NCAPH: variants seen among roughly 807,000 people sequenced by gnomAD.
NCAPH encodes non-SMC condensin I complex subunit H, also known as condensin complex subunit 2.
NCAPH carries 38 observed loss-of-function variants against 85.5 expected under a neutral mutation model. That is an observed-to-expected ratio of 0.44 (90% CI 0.34 to 0.58). The LOEUF (loss-of-function observed/expected upper bound fraction) is 0.58. NCAPH is among the 20% of genes least tolerant of loss of function. NCAPH has a pLI of 0.01. For missense variants in NCAPH, 789 were observed against 916.6 expected (o/e 0.86, Z 1.80); for synonymous variants, 301 against 335.1 (o/e 0.90, Z 1.11).
chr2:96,340,367 TA>T (rs2064274636), intron 1 of NCAPH, among the ~76,000 whole-genome samples: 1 of 149,456 alleles, frequency 6.7e-6, no homozygotes, highest in Non-Finnish European at 1.5e-5. Context: ...GTAGGATGAC[TA>T]ATACTAATAA....
chr2:96,363,092 C>T (rs1040825793), intron 12 of NCAPH, among the ~76,000 whole-genome samples: 1 of 152,132 alleles, frequency 6.6e-6, no homozygotes, highest in Non-Finnish European at 1.5e-5. Flanking sequence ...CAACCACCAC[C>T]CACCCTGACA....
intron 14 of NCAPH, among the ~76,000 whole-genome samples, chr2:96,366,876 C>CA (rs928006104): frequency 0.026 from 918 of 35,706 alleles, 9 homozygotes; most frequent in African/African-American, 0.031. Context: ...GACTCCGTCT[C>CA]AAAAAAAAAA....
In NCAPH at chr2:96,375,979, A is replaced by G. The variant is rs1179368114; in HGVS notation, c.*2628A>G. 6.6e-6 allele frequency among the ~76,000 whole-genome samples: 1 copy of G among 152,206 alleles called. No homozygotes were observed. Among genetic ancestry groups the G allele is most frequent in the Admixed American group, 6.5e-5 (1 of 15,286 alleles). On this transcript the variant is annotated 3_prime_UTR_variant, in exon 18 of 18. Transcript: ENST00000240423. ...CCACCAGATATGGACTCAACCTGGG[A>G]CTTTTCAGCCTCCATAACTGTAATA...
chr2:96,351,484 TATG>T (rs1194831650), intron 6 of NCAPH, among the ~76,000 whole-genome samples: 1 of 151,972 alleles, frequency 6.6e-6, no homozygotes, highest in Non-Finnish European at 1.5e-5. Context: ...GCCTGGCTAA[TATG>T]ATGAAACCCC....
intron 1 of NCAPH, among the ~76,000 whole-genome samples, chr2:96,337,482 C>T (rs2064229064): frequency 6.6e-6 from 1 of 151,130 alleles, no homozygotes; most frequent in Non-Finnish European, 1.5e-5. Flanking sequence ...TGCAGTGGTG[C>T]AATCTCGGCC....
chr2:96,365,987 G>A lies in NCAPH; in HGVS notation c.1810G>A (p.Asp604Asn). Residue 604 changes from aspartate to asparagine, a missense_variant, in exon 14 of 18, where the codon GAC becomes AAC. Coordinates refer to ENST00000240423, the MANE Select transcript of NCAPH (RefSeq NM_015341.5). The stretch of plus-strand genomic sequence containing the variant: ...ACCTAAGACAGCACAACAGAATGGT[G>A]ACACTCCAGAAGCCCAAGGATTAGA... ...HPPKTAQQNGDTPEAQGLDIT... is the reference protein window; with the variant it reads ...HPPKTAQQNGNTPEAQGLDIT... The A allele has an allele frequency of 6.2e-7, 1 of 1,614,180 alleles. No individual in the cohort carries two copies. Among genetic ancestry groups the A allele is most frequent in the East Asian group, 2.2e-5 (1 of 44,888 alleles).
At chr2:96,367,710 C>G (rs1453198530) in intron 15 of NCAPH, among the ~76,000 whole-genome samples, 1 of 152,112 alleles carries the variant, frequency 6.6e-6, no homozygotes, top group Non-Finnish European at 1.5e-5. Flanking sequence ...AGAAGTGAAC[C>G]AAGTATACAA....
chr2:96,344,080 T>G, intron 5 of NCAPH, 25 bp from the exon 6 acceptor site: 1 of 1,599,452 alleles, frequency 6.3e-7, no homozygotes. Flanking sequence ...GCCCTTGCAG[T>G]ACGCAATTGT....
intron 12 of NCAPH, among the ~76,000 whole-genome samples, chr2:96,363,486 A>G (rs1293218160): frequency 2.0e-5 from 3 of 152,230 alleles, no homozygotes; most frequent in African/African-American, 7.2e-5. Flanking sequence ...TTACAAGCAC[A>G]TTGTGGGTTT....
At chr2:96,369,092 T>A (rs1160096233) in intron 16 of NCAPH, 29 bp downstream of exon 16, 10 of 1,549,712 alleles carry the variant, frequency 6.5e-6, no homozygotes, top group Admixed American at 3.9e-5. Flanking sequence ...GGGGGCTTTG[T>A]TGGGGCTCAC....
rs544549788 is a variant in NCAPH at position 96,348,190 on chromosome 2, CT to C, written c.721-3624del. ...AATCCATTTATGCCAAGGTCTCTCT[CT>C]TTTTTTTTTTTTTTTTGAGATGGAG... On this transcript the variant is annotated intron_variant, in intron 6 of 17. Transcript: ENST00000240423. Among the ~76,000 whole-genome samples, 470 of 139,444 alleles carry C rather than the reference CT, an allele frequency of 3.4e-3. 1 individual carries two copies. The highest frequency in any genetic ancestry group is 6.0e-3 in the African/African-American group (229 of 38,226). 91.5% of individuals were successfully genotyped at this position (139,444 alleles called of 152,430 possible).
At chr2:96,366,429 C>T (rs916620341) in intron 14 of NCAPH, among the ~76,000 whole-genome samples, 5 of 152,230 alleles carry the variant, frequency 3.3e-5, no homozygotes, top group African/African-American at 1.2e-4. Flanking sequence ...ATGTATTAAA[C>T]ATTTATCTCT....
chr2:96,339,259 T>C (rs1169338479), intron 1 of NCAPH, among the ~76,000 whole-genome samples: 1 of 152,168 alleles, frequency 6.6e-6, no homozygotes, highest in Non-Finnish European at 1.5e-5. Context: ...TCACTTCCCT[T>C]TCAACTCTCA....
chr2:96,361,818 A>G (rs867870709), intron 12 of NCAPH, among the ~76,000 whole-genome samples: 28 of 107,300 alleles, frequency 2.6e-4, no homozygotes, highest in East Asian at 1.3e-3. Context: ...ATATATATAT[A>G]TATATATATA....
intron 6 of NCAPH, among the ~76,000 whole-genome samples, chr2:96,345,072 T>A (rs757639118): frequency 3.3e-5 from 5 of 152,220 alleles, no homozygotes; most frequent in Non-Finnish European, 5.9e-5. Flanking sequence ...AGGAAATGAA[T>A]GTATATGGGA....
At position 96,374,436 on chromosome 2, in the gene NCAPH, T is replaced by A. The variant is rs2064811081; in HGVS notation, c.*1085T>A. On this transcript the variant is annotated 3_prime_UTR_variant, in exon 18 of 18. Transcript: ENST00000240423. ...TTGCAATTTGGAACAATATTATAGA[T>A]GTTGATCCAAGTAGTTCTGTTACTG... Among the ~76,000 whole-genome samples, 1 of 152,222 alleles carries A rather than the reference T, an allele frequency of 6.6e-6. No homozygotes were observed. Among genetic ancestry groups the A allele is most frequent in the Non-Finnish European group, 1.5e-5 (1 of 68,040 alleles).
At chr2:96,358,974 G>A (rs2064565876) in intron 9 of NCAPH, 71 bp from the exon 10 acceptor site, 5 of 1,440,754 alleles carry the variant, frequency 3.5e-6, no homozygotes, top group Non-Finnish European at 4.8e-6. Context: ...CTCATTTGCG[G>A]ACATATGCTT....
chr2:96,342,496 T>C (rs1331883638), intron 3 of NCAPH, among the ~76,000 whole-genome samples: 1 of 152,122 alleles, frequency 6.6e-6, no homozygotes, highest in Non-Finnish European at 1.5e-5. Context: ...GTTTGGAGGG[T>C]GAGTCCCTTT....
At chr2:96,359,685 G>C (rs1286696697) in intron 10 of NCAPH, among the ~76,000 whole-genome samples, 1 of 152,236 alleles carries the variant, frequency 6.6e-6, no homozygotes, top group Non-Finnish European at 1.5e-5. Context: ...AAGTGCAGTG[G>C]TGAATCATGG....
Sources: gnomAD v4.1 joint callset for allele counts (sites outside exome capture counted in the v4.1 genomes callset) on GRCh38, gnomAD v4.1.1 for gene constraint, MANE v1.5 for transcripts, NCBI Gene and HGNC (gene_info 2026-07-23, HGNC 2026-07-21) for gene names.